RNF121: variants seen among roughly 807,000 people sequenced by gnomAD.
The protein encoded by RNF121 is ring finger protein 121.
RNF121 carries 21 observed loss-of-function variants against 46.5 expected under a neutral mutation model. That is an observed-to-expected ratio of 0.45 (90% CI 0.32 to 0.65). The LOEUF is 0.65. RNF121 is among the 30% of genes least tolerant of loss of function. RNF121 has a pLI of 0.04. For synonymous variants in RNF121, 139 were observed against 144.7 expected, an observed-to-expected ratio of 0.96 and a Z score of 0.28; for missense variants, 346 against 416.0, an observed-to-expected ratio of 0.83 and a Z score of 1.46.
intron 3 of RNF121, among the ~76,000 whole-genome samples, chr11:71,980,923 C>A (rs1369261622): frequency 6.6e-6 from 1 of 152,118 alleles, no homozygotes; most frequent in African/African-American, 2.4e-5. Flanking sequence ...TAAAATATAT[C>A]ATTGAAATGA....
intron 3 of RNF121, among the ~76,000 whole-genome samples, chr11:71,980,202 G>A (rs888520972): frequency 6.6e-6 from 1 of 152,172 alleles, no homozygotes; most frequent in Admixed American, 6.6e-5. Flanking sequence ...GTAGTGAATT[G>A]TTATTGAGGC....
intron 1 of RNF121, among the ~76,000 whole-genome samples, chr11:71,931,867 TA>T (rs1307064634): frequency 2.6e-5 from 4 of 152,320 alleles, no homozygotes; most frequent in African/African-American, 9.6e-5. Context: ...GTTTTATTGA[TA>T]GACTCTAATG....
At chr11:71,959,697 G>A (rs187845854) in intron 2 of RNF121, among the ~76,000 whole-genome samples, 235 of 141,422 alleles carry the variant, frequency 1.7e-3, no homozygotes, top group African/African-American at 5.9e-3. Flanking sequence ...GTGCAGTGTT[G>A]CGATCTTGGC....
chr11:71,995,325 A>T (rs1346947412), intron 7 of RNF121, 125 bp from the exon 8 acceptor site: 2 of 745,556 alleles, frequency 2.7e-6, no homozygotes, highest in African/African-American at 3.5e-5. Flanking sequence ...AGGTTCAGAC[A>T]CAGGGACTTG....
intron 6 of RNF121, among the ~76,000 whole-genome samples, chr11:71,993,476 T>C (rs75117483): frequency 2.6e-5 from 4 of 151,784 alleles, no homozygotes; most frequent in Non-Finnish European, 5.9e-5. Context: ...ATTTGTCCCT[T>C]TGGCTTTTTT....
chr11:71,942,303 C>G (rs74319588), intron 1 of RNF121, among the ~76,000 whole-genome samples: 1 of 151,992 alleles, frequency 6.6e-6, no homozygotes, highest in South Asian at 2.1e-4. Flanking sequence ...AAAGATCTTT[C>G]TGGCTGCTTT....
intron 1 of RNF121, among the ~76,000 whole-genome samples, chr11:71,951,032 C>T (rs1024673464): frequency 1.3e-5 from 2 of 152,080 alleles, no homozygotes; most frequent in African/African-American, 4.8e-5. Flanking sequence ...TGAGACCAGC[C>T]TGACCAACAT....
At chr11:71,944,623 T>A (rs1225527263) in intron 1 of RNF121, among the ~76,000 whole-genome samples, 1 of 152,212 alleles carries the variant, frequency 6.6e-6, no homozygotes, top group Non-Finnish European at 1.5e-5. Context: ...AAGAGCTCAC[T>A]GTCCGTGCTC....
At chr11:71,954,535 A>G (rs1040651673) in intron 1 of RNF121, among the ~76,000 whole-genome samples, 2 of 152,218 alleles carry the variant, frequency 1.3e-5, no homozygotes, top group Non-Finnish European at 2.9e-5. Flanking sequence ...GCCAGGAGGA[A>G]AGGCAGTGAA....
intron 5 of RNF121, among the ~76,000 whole-genome samples, chr11:71,988,735 T>C (rs1245031981): frequency 1.3e-5 from 2 of 151,986 alleles, no homozygotes; most frequent in Admixed American, 6.5e-5. Context: ...GGTGGGAGAA[T>C]TGCTTGAGCC....
intron 1 of RNF121, 126 bp from the exon 2 acceptor site, chr11:71,957,101 C>T: frequency 2.6e-6 from 2 of 770,502 alleles, no homozygotes; most frequent in Non-Finnish European, 4.8e-6. Flanking sequence ...GGTAAGGCTT[C>T]ATAGAGATAC....
At chr11:71,945,121 G>A (rs1321113731) in intron 1 of RNF121, among the ~76,000 whole-genome samples, 1 of 151,856 alleles carries the variant, frequency 6.6e-6, no homozygotes, top group African/African-American at 2.4e-5. Flanking sequence ...CTGAGTAGCT[G>A]GGACTACAGG....
intron 1 of RNF121, chr11:71,938,532 T>G (rs2134149230): frequency 6.6e-6 from 1 of 152,366 alleles, no homozygotes; most frequent in African/African-American, 2.4e-5. Context: ...TTGGTCAGGC[T>G]GGTCTCGAAC....
chr11:71,970,617 A>C (rs1156900515), intron 3 of RNF121, among the ~76,000 whole-genome samples: 2 of 152,102 alleles, frequency 1.3e-5, no homozygotes, highest in Non-Finnish European at 2.9e-5. Context: ...AACTATGATC[A>C]CGTCACTGCA....
In RNF121 at chr11:71,937,313, T is replaced by C. The variant is rs576673438; in HGVS notation, c.63+8189T>C. On this transcript the variant is annotated intron_variant, in intron 1 of 8. Transcript: ENST00000361756. ...GTAGTTATTTAAATATTTATTGAACTTGAATTTTTATTTTTTATTTTTTTG... is the reference window on the plus strand; with the variant it reads ...GTAGTTATTTAAATATTTATTGAACCTGAATTTTTATTTTTTATTTTTTTG... Among the ~76,000 whole-genome samples, 7 of 152,272 alleles carry C rather than the reference T, an allele frequency of 4.6e-5. No individual in the cohort carries two copies. In the East Asian group the frequency reaches 1.4e-3, roughly 29 times the overall value.
In RNF121 at chr11:71,982,709, A is replaced by G. The variant is rs368163406; in HGVS notation, c.244-52A>G. On this transcript the variant is annotated intron_variant, in intron 3 of 8. Transcript: ENST00000361756. ...ACAAGCTGCATTTGGGACTGTGGAC[A>G]GAGCTGCAGAGGGAGCTGGCCAGAG... is the stretch of plus-strand genomic sequence containing the variant. 5.9e-5 allele frequency: 91 copies of G among 1,536,812 alleles called. No individual in the cohort carries two copies. In the African/African-American group the frequency reaches 1.1e-3, roughly 19 times the overall value.
At chr11:71,932,015 T>C (rs1953287241) in intron 1 of RNF121, among the ~76,000 whole-genome samples, 2 of 152,244 alleles carry the variant, frequency 1.3e-5, no homozygotes, top group African/African-American at 4.8e-5. Flanking sequence ...TTAGATGCCA[T>C]TAGCATGATA....
intron 3 of RNF121, among the ~76,000 whole-genome samples, chr11:71,969,588 G>A (rs941412391): frequency 1.3e-5 from 2 of 151,988 alleles, no homozygotes; most frequent in Non-Finnish European, 2.9e-5. Flanking sequence ...TTTGAGACAG[G>A]GTCTTTCTCT....
At position 71,987,056 on chromosome 11, in the gene RNF121, A is replaced by G. The variant is rs1408985200; in HGVS notation, c.451A>G (p.Ile151Val). Residue 151 changes from isoleucine to valine, a missense_variant, in exon 5 of 9, where the codon ATT becomes GTT. By Grantham distance (29) the Ile-to-Val change is conservative. Coordinates refer to ENST00000361756, the MANE Select transcript of RNF121 (RefSeq NM_018320.5). ...CTATAAAATCAGCTATGCCACTGGC[A>G]TTGTTGGCTACATGGCTGTCATGTT... ...LIYKISYATG[I>V]VGYMAVMFTL... 1.2e-6 allele frequency: 2 copies of G among 1,614,024 alleles called. No individual in the cohort carries two copies. Among genetic ancestry groups the G allele is most frequent in the Non-Finnish European group, 1.7e-6 (2 of 1,179,912 alleles).
Sources: gnomAD v4.1 joint callset for allele counts (sites outside exome capture counted in the v4.1 genomes callset) on GRCh38, gnomAD v4.1.1 for gene constraint, MANE v1.5 for transcripts, NCBI Gene and HGNC (gene_info 2026-07-23, HGNC 2026-07-21) for gene names.